Variants in FTSJ1 observed in about 807,000 individuals in gnomAD.
FTSJ1 encodes FtsJ RNA 2'-O-methyltransferase 1, also known as tRNA (cytidine(32)/guanosine(34)-2'-O)-methyltransferase.
Under a neutral mutation model 28.5 loss-of-function variants are expected in FTSJ1, and 3 were observed. The observed-to-expected ratio is 0.11, with a 90% CI of 0.05 to 0.27. The LOEUF is 0.27. Among genes scored for constraint, FTSJ1 ranks in the 10% least tolerant of loss-of-function variants. The pLI is 1.00. For synonymous variants in FTSJ1, 104 were observed against 113.9 expected (o/e 0.91, Z 0.55); for missense variants, 162 against 279.0 (o/e 0.58, Z 2.99).
Position 48,482,513 on chromosome X carries a change from G to T in FTSJ1, c.759+7G>T, listed in dbSNP as rs1556968945. 8.4e-7 allele frequency: 1 copy of T among 1,185,048 alleles called. No homozygotes were observed. Among genetic ancestry groups the T allele is most frequent in the African/African-American group, 1.8e-5 (1 of 56,505 alleles). Reference sequence around the variant, plus strand: ...CCGCAGTTACCCACTGGACGTGAGTGCCCAACCAACAGTAGGTGGGTGGGA... The same window carrying T: ...CCGCAGTTACCCACTGGACGTGAGTTCCCAACCAACAGTAGGTGGGTGGGA... On this transcript the variant is annotated splice_region_variant and intron_variant, in intron 10 of 12. Transcript: ENST00000348411.
In FTSJ1 at chrX:48,476,402, C is replaced by T. The variant is rs954491863; in HGVS notation, c.-88+6C>T. ...ACCCTGCTCCGAAAACTAAGGTGGG[C>T]CCTGGGGCGCGGAGGACAGGAATGC... is the stretch of plus-strand genomic sequence containing the variant. On this transcript the variant is annotated splice_donor_region_variant and intron_variant, in intron 1 of 12. Transcript: ENST00000348411. 1.1e-4 allele frequency: 32 copies of T among 294,607 alleles called. 1 individual carries two copies. The Admixed American group carries it at 1.6e-3, about 15-fold the overall frequency. 24.3% of individuals were successfully genotyped at this position (294,607 alleles called of 1,213,427 possible). A position where few individuals can be genotyped will look rare whatever the true frequency, so the allele number is the denominator to read the frequency against.
At chrX:48,477,074 A>C (rs552644494) in intron 1 of FTSJ1, among the ~76,000 whole-genome samples, 1 of 110,468 alleles carries the variant, frequency 9.1e-6, no homozygotes, top group East Asian at 2.9e-4. Context: ...ATGACCGTCG[A>C]GGAATTAGGG....
In FTSJ1 at chrX:48,476,256, ACGC is replaced by A; in HGVS notation, c.-227_-225del. 1 of 298,272 alleles carries A rather than the reference ACGC, an allele frequency of 3.4e-6. No homozygotes were observed. 24.6% of individuals were successfully genotyped at this position (298,272 alleles called of 1,213,427 possible). ...GGCGATCCACGATGCCGAGTTTGCC[ACGC>A]TGCGACAGCCCATAGGCTTGCCCCC... is the stretch of plus-strand genomic sequence containing the variant. On this transcript the variant is annotated 5_prime_UTR_variant, in exon 1 of 13. It adds an upstream start codon to the 5' untranslated region. Coordinates refer to ENST00000348411, the MANE Select transcript of FTSJ1 (RefSeq NM_012280.4).
chrX:48,481,592 G>A lies in FTSJ1; in HGVS notation c.572-40G>A, dbSNP rs760394. On this transcript the variant is annotated intron_variant, in intron 8 of 12. Coordinates refer to ENST00000348411, the MANE Select transcript of FTSJ1 (RefSeq NM_012280.4). ...CTCTGGGACGCCGACTGCACGAGGAGGAAGCGGCAGTCATGCCTCACTCCA... is the reference window on the plus strand; with the variant it reads ...CTCTGGGACGCCGACTGCACGAGGAAGAAGCGGCAGTCATGCCTCACTCCA... The A allele has an allele frequency of 7.2e-3, 8,192 of 1,143,765 alleles. 354 individuals are homozygous for A. The African/African-American group carries it at 0.13, about 18-fold the overall frequency. 94.3% of individuals were successfully genotyped at this position (1,143,765 alleles called of 1,213,427 possible).
intron 5 of FTSJ1, among the ~76,000 whole-genome samples, chrX:48,480,652 T>C (rs1396597435): frequency 9.0e-6 from 1 of 110,671 alleles, no homozygotes; most frequent in African/African-American, 3.3e-5. Context: ...CAAGTGATAA[T>C]GGGTGAGGGC....
At chrX:48,481,821 T>C in intron 9 of FTSJ1, 106 bp downstream of exon 9, 1 of 565,363 alleles carries the variant, frequency 1.8e-6, no homozygotes, top group Non-Finnish European at 3.1e-6. Context: ...CTCTGTCCCC[T>C]CATGGGAATT....
At chrX:48,479,643 G>A (rs1556967797) in intron 5 of FTSJ1, among the ~76,000 whole-genome samples, 1 of 112,365 alleles carries the variant, frequency 8.9e-6, no homozygotes, top group East Asian at 2.8e-4. Context: ...GAACACTTGA[G>A]GCAGGAGTTT....
intron 1 of FTSJ1, 124 bp downstream of exon 1, chrX:48,476,520 C>T (rs1363635272): frequency 2.2e-5 from 6 of 271,252 alleles, no homozygotes; most frequent in African/African-American, 1.1e-4. Context: ...ATGGTTCGGG[C>T]GGCTGGCACC....
At chrX:48,484,105 T>G (rs1293062444) in intron 12 of FTSJ1, among the ~76,000 whole-genome samples, 1 of 109,953 alleles carries the variant, frequency 9.1e-6, no homozygotes, top group South Asian at 3.9e-4. Context: ...AGTCTTACTC[T>G]GTTACCCAGG....
In FTSJ1 at chrX:48,476,270, C is replaced by T. The variant is rs2061531255; in HGVS notation, c.-214C>T. 3.4e-6 allele frequency: 1 copy of T among 298,440 alleles called. No homozygotes were observed. Among genetic ancestry groups the T allele is most frequent in the Non-Finnish European group, 5.9e-6 (1 of 170,454 alleles). The allele number at this position is 298,440 out of a possible 1,213,427, so 24.6% of individuals were successfully genotyped here. A position where few individuals can be genotyped will look rare whatever the true frequency, so the allele number is the denominator to read the frequency against. On this transcript the variant is annotated 5_prime_UTR_variant, in exon 1 of 13. Transcript: ENST00000348411. ...CCGAGTTTGCCACGCTGCGACAGCCCATAGGCTTGCCCCCCCGGGCATTCG... is the reference window on the plus strand; with the variant it reads ...CCGAGTTTGCCACGCTGCGACAGCCTATAGGCTTGCCCCCCCGGGCATTCG...
chrX:48,479,232 C>A (rs73483892), intron 5 of FTSJ1, 116 bp downstream of exon 5: 2 of 520,915 alleles, frequency 3.8e-6, no homozygotes, highest in Non-Finnish European at 3.5e-6. Context: ...CTCTCCCTTC[C>A]GCACTCAGCT....
rs930518237 is a variant in FTSJ1, at chrX:48,478,682, T to C, written c.257T>C (p.Val86Ala). Residue 86 changes from valine to alanine, a missense_variant, in exon 4 of 13, where the codon GTA becomes GCA. By Grantham distance (64) the Val-to-Ala change is moderately conservative. Coordinates refer to ENST00000348411, the MANE Select transcript of FTSJ1 (RefSeq NM_012280.4). Reference sequence around the variant, plus strand: ...GCTATGGCTCCACTACCAGGTGTGGTACAGATCCAGGGGGACATCACCCAG... The same window carrying C: ...GCTATGGCTCCACTACCAGGTGTGGCACAGATCCAGGGGGACATCACCCAG... ...LQAMAPLPGV[V>A]QIQGDITQLS... 5.0e-6 allele frequency: 6 copies of C among 1,204,736 alleles called. No homozygotes were observed. Among genetic ancestry groups the C allele is most frequent in the Non-Finnish European group, 6.7e-6 (6 of 889,752 alleles).
intron 1 of FTSJ1, among the ~76,000 whole-genome samples, chrX:48,477,203 G>T (rs1556966560): frequency 9.0e-6 from 1 of 111,238 alleles, no homozygotes; most frequent in African/African-American, 3.3e-5. Context: ...TGGATCCATG[G>T]AGAGCAGGGT....
chrX:48,482,051 G>A (rs1015753291), intron 9 of FTSJ1, among the ~76,000 whole-genome samples: 8 of 112,147 alleles, frequency 7.1e-5, no homozygotes, highest in Admixed American at 1.9e-4. Context: ...TGTCCCAGGT[G>A]GAAACCTCCT....
chrX:48,481,506 G>T lies in FTSJ1; in HGVS notation c.549G>T (p.Arg183Ser). ...FFSSVLCAKP[R>S]SSRNSSIEAF... The stretch of plus-strand genomic sequence containing the variant: ...CCAGCGTGCTGTGTGCCAAGCCCAG[G>T]AGCAGCCGGAACTCTAGCATCGGTC... The change falls in exon 8 of 13, where the codon AGG becomes AGT. Residue 183 changes from arginine (R) to serine (S), a missense_variant. Physicochemically the swap from Arg to Ser is moderately radical, Grantham distance 110. Coordinates refer to ENST00000348411, the MANE Select transcript of FTSJ1 (RefSeq NM_012280.4). The T allele has an allele frequency of 1.7e-6, 2 of 1,210,789 alleles. No homozygotes were observed. Among genetic ancestry groups the T allele is most frequent in the Non-Finnish European group, 2.2e-6 (2 of 894,309 alleles).
rs78979358 is a variant in FTSJ1 at position 48,479,062 on chromosome X, C to G, written c.307C>G (p.Gln103Glu). ...GCTGTCCACTGCCAAGGAGATCATC[C>G]AGCACTTTAAGGGCTGCCCTGCGGA... ...TQLSTAKEII[Q>E]HFKGCPADLV... Residue 103 changes from glutamine to glutamate, a missense_variant, in exon 5 of 13, where the codon CAG (glutamine) becomes GAG (glutamate). Coordinates refer to ENST00000348411, the MANE Select transcript of FTSJ1 (RefSeq NM_012280.4). 1,404 of 1,205,974 alleles carry G rather than the reference C, an allele frequency of 1.2e-3. 12 individuals are homozygous for G. In the African/African-American group the frequency reaches 0.021, roughly 18 times the overall value.
chrX:48,483,204 T>C, intron 12 of FTSJ1, 177 bp downstream of exon 12: 1 of 462,994 alleles, frequency 2.2e-6, no homozygotes, highest in Non-Finnish European at 3.8e-6. Flanking sequence ...ATTTGAGGCA[T>C]TCAGTAAACA....
intron 2 of FTSJ1, 124 bp downstream of exon 2, chrX:48,478,292 C>G (rs2061545644): frequency 1.2e-6 from 1 of 857,486 alleles, no homozygotes; most frequent in African/African-American, 2.0e-5. Flanking sequence ...GGCAGGGAGA[C>G]AGGCAGGAAG....
chrX:48,484,865 A>G (rs2061592256), intron 12 of FTSJ1, among the ~76,000 whole-genome samples: 1 of 112,249 alleles, frequency 8.9e-6, no homozygotes. Context: ...TATCAACAAC[A>G]CTAAGTATTT....
Sources: gnomAD v4.1 joint callset for allele counts (sites outside exome capture counted in the v4.1 genomes callset) on GRCh38, gnomAD v4.1.1 for gene constraint, MANE v1.5 for transcripts, NCBI Gene and HGNC (gene_info 2026-07-23, HGNC 2026-07-21) for gene names.